Variants in PTPN5 observed in about 807,000 individuals in gnomAD.
The protein encoded by PTPN5 is protein tyrosine phosphatase non-receptor type 5.
PTPN5 carries 29 observed loss-of-function variants against 73.9 expected under a neutral mutation model. The observed-to-expected ratio is 0.39, with a 90% CI of 0.29 to 0.54. The LOEUF (loss-of-function observed/expected upper bound fraction) is 0.54. Ranked by LOEUF, PTPN5 falls within the 20% of genes least tolerant of loss-of-function variation. The pLI, the probability that PTPN5 is intolerant of heterozygous loss-of-function variation, is 0.65. For missense variants in PTPN5, 652 were observed against 751.4 expected, an observed-to-expected ratio of 0.87 and a Z score of 1.55; for synonymous variants, 267 against 304.7, an observed-to-expected ratio of 0.88 and a Z score of 1.29.
intron 2 of PTPN5, among the ~76,000 whole-genome samples, chr11:18,770,861 G>A (rs1337662061): frequency 6.6e-6 from 1 of 152,208 alleles, no homozygotes; most frequent in African/African-American, 2.4e-5. Context: ...GGCCAGTGCA[G>A]AAGATACAGA....
Position 18,740,715 on chromosome 11 carries a change from G to C in PTPN5, c.803C>G (p.Ser268Cys). The change falls in exon 8 of 15, where the codon TCC becomes TGC. Residue 268 changes from serine to cysteine, a missense_variant. Around this residue, in one of 3 missense-constraint regions of PTPN5, gnomAD observed 529 missense variants for 573.9 expected, o/e 0.92. Coordinates refer to ENST00000358540, the MANE Select transcript of PTPN5 (RefSeq NM_006906.2). ...CNEEGFGYLMSPREESAREYL... is the reference protein window; with the variant it reads ...CNEEGFGYLMCPREESAREYL... The stretch of plus-strand genomic sequence containing the variant: ...CTCGCGGGCGGACTCCTCACGTGGG[G>C]ACATGAGATAGCCAAAGCCCTCCTC... 1.2e-6 allele frequency: 2 copies of C among 1,606,500 alleles called. No individual in the cohort carries two copies. The highest frequency in any genetic ancestry group is 1.7e-6 in the Non-Finnish European group (2 of 1,175,922).
At chr11:18,761,614 C>T (rs1850395315) in intron 3 of PTPN5, among the ~76,000 whole-genome samples, 1 of 152,096 alleles carries the variant, frequency 6.6e-6, no homozygotes, top group Non-Finnish European at 1.5e-5. Flanking sequence ...GGGGTAGACA[C>T]TCACTGCCCC....
chr11:18,745,111 C>T (rs1001416594), intron 3 of PTPN5, among the ~76,000 whole-genome samples: 8 of 152,212 alleles, frequency 5.3e-5, no homozygotes, highest in African/African-American at 1.4e-4. Flanking sequence ...ATTCTAGCTG[C>T]GGCCACCTCA....
chr11:18,782,311 T>C (rs1401307136), intron 1 of PTPN5, among the ~76,000 whole-genome samples: 2 of 151,844 alleles, frequency 1.3e-5, no homozygotes, highest in African/African-American at 4.8e-5. Context: ...CACTGCAACC[T>C]CCACCTCCCA....
At chr11:18,784,505 G>C (rs7108873) in intron 1 of PTPN5, among the ~76,000 whole-genome samples, 86,593 of 152,004 alleles carry the variant, frequency 0.57, 26,938 homozygotes, top group Non-Finnish European at 0.69. Flanking sequence ...TGGGAATGAG[G>C]AATTAGTATT....
intron 3 of PTPN5, among the ~76,000 whole-genome samples, chr11:18,764,025 G>A (rs912239422): frequency 6.6e-6 from 1 of 152,172 alleles, no homozygotes; most frequent in South Asian, 2.1e-4. Context: ...CCTGATTGTA[G>A]AGTCATCTCC....
chr11:18,735,793 A>T (rs945079831), intron 9 of PTPN5, among the ~76,000 whole-genome samples: 2 of 151,784 alleles, frequency 1.3e-5, no homozygotes, highest in African/African-American at 4.8e-5. Context: ...AGCTGGACTT[A>T]AACCTGAGGA....
At chr11:18,749,907 A>G (rs1849808898) in intron 3 of PTPN5, among the ~76,000 whole-genome samples, 1 of 152,172 alleles carries the variant, frequency 6.6e-6, no homozygotes, top group Non-Finnish European at 1.5e-5. Flanking sequence ...TTACATGAGA[A>G]AGCAAGCTCT....
chr11:18,770,832 C>T (rs1850854736), intron 2 of PTPN5, among the ~76,000 whole-genome samples: 1 of 152,214 alleles, frequency 6.6e-6, no homozygotes, highest in South Asian at 2.1e-4. Context: ...ACCACCCACC[C>T]CATTTTCTAG....
intron 8 of PTPN5, chr11:18,740,375 T>C: frequency 2.5e-6 from 1 of 393,960 alleles, no homozygotes; most frequent in Non-Finnish European, 4.5e-6. Flanking sequence ...ATGTTATAAG[T>C]CTCTTTAATC....
At chr11:18,784,799 G>A (rs1851595257) in intron 1 of PTPN5, among the ~76,000 whole-genome samples, 1 of 151,882 alleles carries the variant, frequency 6.6e-6, no homozygotes, top group African/African-American at 2.4e-5. Flanking sequence ...CCTGGCCCAT[G>A]ATCTATCTTC....
chr11:18,775,851 C>T (rs1035661763), intron 1 of PTPN5, among the ~76,000 whole-genome samples: 6 of 152,104 alleles, frequency 3.9e-5, no homozygotes, highest in African/African-American at 7.2e-5. Flanking sequence ...GAGGGTGGAA[C>T]GGCAGTGAAC....
intron 1 of PTPN5, among the ~76,000 whole-genome samples, chr11:18,777,546 C>T (rs1044890421): frequency 1.3e-5 from 2 of 152,176 alleles, no homozygotes; most frequent in Non-Finnish European, 2.9e-5. Context: ...ATGAATCTTG[C>T]GGAGTGCTGG....
intron 1 of PTPN5, among the ~76,000 whole-genome samples, chr11:18,773,069 G>C (rs963092190): frequency 1.3e-5 from 2 of 152,106 alleles, no homozygotes; most frequent in Non-Finnish European, 2.9e-5. Context: ...TTGACACAAA[G>C]CAGGACACAT....
chr11:18,753,019 C>A (rs958925938), intron 3 of PTPN5, among the ~76,000 whole-genome samples: 7 of 152,352 alleles, frequency 4.6e-5, no homozygotes, highest in Non-Finnish European at 8.8e-5. Flanking sequence ...ATATGAAGTT[C>A]AACAGGGATT....
At chr11:18,780,998 C>T (rs553156116) in intron 1 of PTPN5, among the ~76,000 whole-genome samples, 3 of 152,302 alleles carry the variant, frequency 2.0e-5, no homozygotes, top group East Asian at 1.9e-4. Context: ...ATCAGGCCCA[C>T]GATCCAGGTG....
chr11:18,779,025 T>C (rs1851299103), intron 1 of PTPN5, among the ~76,000 whole-genome samples: 1 of 152,136 alleles, frequency 6.6e-6, no homozygotes. Context: ...CCGCTCCTCA[T>C]TGCTTACAAG....
intron 8 of PTPN5, 136 bp from the exon 9 acceptor site, chr11:18,738,100 AAG>A (rs1163785505): frequency 1.4e-5 from 10 of 708,842 alleles, no homozygotes; most frequent in African/African-American, 7.0e-5. Flanking sequence ...ATTTACTATT[AAG>A]AGAGTTAGTG....
At chr11:18,775,509 G>A (rs2134333848) in intron 1 of PTPN5, among the ~76,000 whole-genome samples, 1 of 152,298 alleles carries the variant, frequency 6.6e-6, no homozygotes, top group East Asian at 1.9e-4. Context: ...GCGGGACCAC[G>A]ACCTCGGGTT....
Sources: allele counts gnomAD v4.1 joint callset (sites outside exome capture counted in the v4.1 genomes callset), GRCh38; gene constraint gnomAD v4.1.1; regional missense constraint gnomAD v4.1.1; transcripts MANE v1.5; gene names NCBI Gene and HGNC (gene_info 2026-07-23, HGNC 2026-07-21).